PLXDC1: variants seen among roughly 807,000 people sequenced by gnomAD.
PLXDC1 encodes plexin domain-containing protein 1.
In PLXDC1, 39 loss-of-function variants were observed where a neutral mutation model predicts 61.3. The ratio of observed to expected loss-of-function variants is 0.64; its 90% CI spans 0.49 to 0.83. The LOEUF is 0.83. PLXDC1 is among the 40% of genes least tolerant of loss of function. The pLI is 0.00. For missense variants in PLXDC1, 596 were observed against 666.5 expected (o/e 0.89, Z 1.17); for synonymous variants, 212 against 254.5 (o/e 0.83, Z 1.59).
At chr17:39,085,182 C>A (rs116447944) in intron 8 of PLXDC1, among the ~76,000 whole-genome samples, 1 of 152,236 alleles carries the variant, frequency 6.6e-6, no homozygotes, top group Non-Finnish European at 1.5e-5. Context: ...AGCTGGGAAC[C>A]AGCCCTGGGT....
intron 2 of PLXDC1, among the ~76,000 whole-genome samples, chr17:39,128,091 C>CA (rs1567769473): frequency 1.6e-5 from 1 of 63,928 alleles, no homozygotes; most frequent in Admixed American, 1.5e-4. Context: ...CTCTCTCTCT[C>CA]TATGTGTATA....
At position 39,108,401 on chromosome 17, in the gene PLXDC1, G is replaced by A. The variant is rs992390722; in HGVS notation, c.470-156C>T. 9.5e-6 allele frequency: 7 copies of A among 733,802 alleles called. No individual in the cohort carries two copies. In the African/African-American group the frequency reaches 1.2e-4, roughly 13 times the overall value. 45.5% of individuals were successfully genotyped at this position (733,802 alleles called of 1,614,324 possible). A position where few individuals can be genotyped will look rare whatever the true frequency, so the allele number is the denominator to read the frequency against. On this transcript the variant is annotated intron_variant, in intron 4 of 13. Coordinates refer to ENST00000315392, the MANE Select transcript of PLXDC1 (RefSeq NM_020405.5). ...CCCCATCTGGCGGGCTCTGGGTCTG[G>A]TGTGTATGGAGCCAAAGGACCCCAG...
chr17:39,120,183 C>G (rs528185861), intron 2 of PLXDC1, among the ~76,000 whole-genome samples: 1 of 152,102 alleles, frequency 6.6e-6, no homozygotes, highest in East Asian at 1.9e-4. Flanking sequence ...TGGAGTTTCG[C>G]TCATGTAACA....
Position 39,151,580 on chromosome 17 carries a change from C to T in PLXDC1, c.-143G>A. ...GGAGACGGCGGAGCGCGGGGCCGGGCGAGCCGGCAGGAGCGGCGAGAGCGC... is the reference window on the plus strand; with the variant it reads ...GGAGACGGCGGAGCGCGGGGCCGGGTGAGCCGGCAGGAGCGGCGAGAGCGC... On this transcript the variant is annotated 5_prime_UTR_variant, in exon 1 of 14. Coordinates refer to ENST00000315392, the MANE Select transcript of PLXDC1 (RefSeq NM_020405.5). This position sits in a 1 kb window ranked among gnomAD's most constrained non-coding sequence, Gnocchi z 5.2. 1 of 1,175,260 alleles carries T rather than the reference C, an allele frequency of 8.5e-7. No individual in the cohort carries two copies. The highest frequency in any genetic ancestry group is 1.1e-6 in the Non-Finnish European group (1 of 951,192). 72.8% of individuals were successfully genotyped at this position (1,175,260 alleles called of 1,614,324 possible). A position where few individuals can be genotyped will look rare whatever the true frequency, so the allele number is the denominator to read the frequency against.
At chr17:39,074,493 C>T (rs1417723327) in intron 11 of PLXDC1, among the ~76,000 whole-genome samples, 1 of 152,178 alleles carries the variant, frequency 6.6e-6, no homozygotes, top group Non-Finnish European at 1.5e-5. Flanking sequence ...AAATGAGACC[C>T]ATTCCTTAGC....
intron 2 of PLXDC1, among the ~76,000 whole-genome samples, chr17:39,135,316 G>A (rs563177798): frequency 3.7e-4 from 56 of 152,332 alleles, no homozygotes; most frequent in African/African-American, 1.1e-3. Flanking sequence ...CCCTGAGATG[G>A]TGGAAGCCTC....
chr17:39,107,918 C>T (rs1267620912), intron 5 of PLXDC1: 8 of 627,576 alleles, frequency 1.3e-5, no homozygotes, highest in East Asian at 2.7e-5. Flanking sequence ...CAAGCACTGT[C>T]GTTTTGTTAT....
Position 39,064,973 on chromosome 17 carries a change from A to G in PLXDC1, c.*2867T>C, listed in dbSNP as rs1908839212. The stretch of plus-strand genomic sequence containing the variant: ...GCAGTTCCTGCTGTGGCCTGATTCC[A>G]TGGACAGCACCACTCATCTCACTCC... On this transcript the variant is annotated 3_prime_UTR_variant, in exon 14 of 14. Coordinates refer to ENST00000315392, the MANE Select transcript of PLXDC1 (RefSeq NM_020405.5). The G allele has an allele frequency of 6.6e-6, 1 of 152,140 alleles. No homozygotes were observed. Among genetic ancestry groups the G allele is most frequent in the Non-Finnish European group, 1.5e-5 (1 of 68,044 alleles). The allele number at this position is 152,140 out of a possible 1,614,324, so 9.4% of individuals were successfully genotyped here.
chr17:39,119,326 C>A (rs1005269132), intron 2 of PLXDC1, among the ~76,000 whole-genome samples: 1 of 152,142 alleles, frequency 6.6e-6, no homozygotes, highest in Non-Finnish European at 1.5e-5. Flanking sequence ...ATGAGCCCAC[C>A]ACAAAGCAAG....
chr17:39,114,546 C>T lies in PLXDC1; in HGVS notation c.256-5155G>A, dbSNP rs75360524. 2.4e-3 allele frequency among the ~76,000 whole-genome samples: 361 copies of T among 152,284 alleles called. 1 individual carries two copies. Among genetic ancestry groups the T allele is most frequent in the African/African-American group, 8.1e-3 (337 of 41,558 alleles). ...TTCATGTCTGCCTTTCCTGTAAGAT[C>T]GTAAGACCCCAAGAGTAAGGTCAGC... is the stretch of plus-strand genomic sequence containing the variant. On this transcript the variant is annotated intron_variant, in intron 2 of 13. Transcript: ENST00000315392.
intron 2 of PLXDC1, among the ~76,000 whole-genome samples, chr17:39,128,115 G>GTGTATATATATGTA (rs1911390848): frequency 2.9e-5 from 1 of 34,614 alleles, no homozygotes; most frequent in Non-Finnish European, 6.7e-5. Context: ...ATATATATAT[G>GTGTATATATATGTA]TATATATATA....
intron 2 of PLXDC1, chr17:39,132,011 T>A (rs888552405): frequency 6.6e-6 from 1 of 152,526 alleles, no homozygotes; most frequent in African/African-American, 2.4e-5. Flanking sequence ...GCTATGGTGA[T>A]GTACAAGCCA....
chr17:39,101,050 G>A (rs1397221297), intron 7 of PLXDC1, among the ~76,000 whole-genome samples: 2 of 152,206 alleles, frequency 1.3e-5, no homozygotes, highest in Non-Finnish European at 2.9e-5. Context: ...GATATCCACA[G>A]GGCCCCATGG....
chr17:39,112,611 C>T (rs924007098), intron 2 of PLXDC1, among the ~76,000 whole-genome samples: 1 of 151,950 alleles, frequency 6.6e-6, no homozygotes, highest in African/African-American at 2.4e-5. Flanking sequence ...GTGTGCGCCA[C>T]CATGCCCAGC....
intron 7 of PLXDC1, among the ~76,000 whole-genome samples, chr17:39,093,158 C>T (rs994339955): frequency 2.6e-5 from 4 of 152,314 alleles, no homozygotes; most frequent in African/African-American, 9.6e-5. Context: ...GCCTTGGCTT[C>T]GTGGGCTCAA....
Position 39,108,888 on chromosome 17 carries a change from C to T in PLXDC1, c.469+16G>A. ...GGTCTCCAGACTCTCCCCGGGGCCC[C>T]ACGACGTGGCCTTACCTCCAGTTGC... is the stretch of plus-strand genomic sequence containing the variant. On this transcript the variant is annotated intron_variant, in intron 4 of 13. Coordinates refer to ENST00000315392, the MANE Select transcript of PLXDC1 (RefSeq NM_020405.5). 1 of 1,604,660 alleles carries T rather than the reference C, an allele frequency of 6.2e-7. No individual in the cohort carries two copies. Among genetic ancestry groups the T allele is most frequent in the Non-Finnish European group, 8.5e-7 (1 of 1,172,448 alleles).
rs144323008 is a variant in PLXDC1 at position 39,127,494 on chromosome 17, T to C, written c.255+12160A>G. 2.6e-3 allele frequency among the ~76,000 whole-genome samples: 391 copies of C among 152,148 alleles called. 3 individuals are homozygous for C. Among genetic ancestry groups the C allele is most frequent in the African/African-American group, 8.8e-3 (367 of 41,498 alleles). ...AACACTTCAGACAATAGCATCCCCA[T>C]TAGACAATGAAGAAATGGGCTCCTC... On this transcript the variant is annotated intron_variant, in intron 2 of 13. Transcript: ENST00000315392.
chr17:39,076,964 A>C (rs1370072085), intron 11 of PLXDC1, among the ~76,000 whole-genome samples: 3 of 151,952 alleles, frequency 2.0e-5, no homozygotes, highest in Non-Finnish European at 4.4e-5. Flanking sequence ...CGAACTCCTG[A>C]CCTCGTGATC....
intron 3 of PLXDC1, 93 bp downstream of exon 3, chr17:39,109,155 C>T: frequency 6.7e-7 from 1 of 1,496,762 alleles, no homozygotes; most frequent in Non-Finnish European, 9.1e-7. Context: ...GGTCACAGAC[C>T]TCGGGCCACA....
Sources: allele counts gnomAD v4.1 joint callset (sites outside exome capture counted in the v4.1 genomes callset), GRCh38; gene constraint gnomAD v4.1.1; non-coding constraint Gnocchi (gnomAD v3.1); transcripts MANE v1.5; gene names NCBI Gene and HGNC (gene_info 2026-07-23, HGNC 2026-07-21).